Variants in PYGB observed in about 807,000 individuals in gnomAD.
PYGB encodes the protein glycogen phosphorylase B, also known as glycogen phosphorylase, brain form.
Under a neutral mutation model 94.3 loss-of-function variants are expected in PYGB, and 82 were observed. That is an observed-to-expected ratio of 0.87 (90% confidence interval 0.73 to 1.04). PYGB has a LOEUF of 1.04. PYGB is among the 50% of genes least tolerant of loss of function. PYGB has a pLI of 0.00. For missense variants in PYGB, 1,132 were observed against 1,158.2 expected (o/e 0.98, Z 0.33); for synonymous variants, 488 against 479.1 (o/e 1.02, Z -0.24).
chr20:25,269,013 CAG>C (rs1600727485), intron 2 of PYGB, 114 bp from the exon 3 acceptor site: 2 of 865,302 alleles, frequency 2.3e-6, no homozygotes, highest in East Asian at 2.5e-5. Context: ...TCAAGTCTAA[CAG>C]AACCCAGACT....
At chr20:25,251,642 T>C (rs547960882) in intron 1 of PYGB, among the ~76,000 whole-genome samples, 26 of 152,278 alleles carry the variant, frequency 1.7e-4, no homozygotes, top group African/African-American at 6.3e-4. Flanking sequence ...TGCCCAGTTA[T>C]GAGAGTCACG....
At chr20:25,260,601 T>C (rs2092911167) in intron 2 of PYGB, among the ~76,000 whole-genome samples, 1 of 152,212 alleles carries the variant, frequency 6.6e-6, no homozygotes, top group South Asian at 2.1e-4. Flanking sequence ...ACTGAGGTAC[T>C]GGGTTCATCT....
chr20:25,273,681 G>C (rs758435818), intron 4 of PYGB, among the ~76,000 whole-genome samples: 1 of 152,058 alleles, frequency 6.6e-6, no homozygotes, highest in Non-Finnish European at 1.5e-5. Flanking sequence ...GTAGTTACTC[G>C]TCTCTAGTGC....
At chr20:25,249,408 A>G (rs530111713) in intron 1 of PYGB, among the ~76,000 whole-genome samples, 1 of 152,300 alleles carries the variant, frequency 6.6e-6, no homozygotes, top group East Asian at 1.9e-4. Flanking sequence ...ACTCTTGACC[A>G]TGGAGAATTG....
chr20:25,248,270 G>C lies in PYGB; in HGVS notation c.92G>C (p.Ser31Thr), dbSNP rs2092876447. 1 of 1,601,490 alleles carries C rather than the reference G, an allele frequency of 6.2e-7. No homozygotes were observed. Among genetic ancestry groups the C allele is most frequent in the South Asian group, 1.1e-5 (1 of 89,274 alleles). ...GGCGACGTGGCCGAGGTGCGGAAGA[G>C]CTTCAACCGGCACTTGCACTTCACG... is the stretch of plus-strand genomic sequence containing the variant. ...GLGDVAEVRK[S>T]FNRHLHFTLV... The change falls in exon 1 of 20, where the codon AGC (serine) becomes ACC (threonine). Residue 31 changes from serine (S) to threonine (T), a missense_variant. Physicochemically the swap from Ser to Thr is moderately conservative, Grantham distance 58. Coordinates refer to ENST00000216962, the MANE Select transcript of PYGB (RefSeq NM_002862.4).
At chr20:25,251,654 G>A (rs533035807) in intron 1 of PYGB, among the ~76,000 whole-genome samples, 6 of 152,282 alleles carry the variant, frequency 3.9e-5, no homozygotes, top group Middle Eastern at 3.4e-3. Context: ...AGAGTCACGG[G>A]ATCCCTTCTA....
At chr20:25,289,160 TG>T (rs963813266) in intron 15 of PYGB, among the ~76,000 whole-genome samples, 2 of 152,196 alleles carry the variant, frequency 1.3e-5, no homozygotes, top group Middle Eastern at 3.4e-3. Flanking sequence ...CTTCAGCGAG[TG>T]GGAAGCTGGT....
chr20:25,263,892 A>G (rs889059032), intron 2 of PYGB, among the ~76,000 whole-genome samples: 1 of 152,222 alleles, frequency 6.6e-6, no homozygotes. Context: ...AACTATTCCA[A>G]TCAATAGAAA....
At chr20:25,258,616 C>T (rs2092907255) in intron 1 of PYGB, among the ~76,000 whole-genome samples, 1 of 152,250 alleles carries the variant, frequency 6.6e-6, no homozygotes, top group Admixed American at 6.5e-5. Flanking sequence ...CCAGGAGGCA[C>T]TGCATGGGTG....
At chr20:25,282,235 A>C (rs888497139) in intron 12 of PYGB, 88 bp downstream of exon 12, 9 of 1,072,786 alleles carry the variant, frequency 8.4e-6, no homozygotes, top group Admixed American at 6.8e-5. Context: ...GCGGTTGCTG[A>C]GTAGGCAGGA....
Position 25,276,766 on chromosome 20 carries a change from C to T in PYGB, c.772+9C>T, listed in dbSNP as rs762842414. 9 of 1,611,502 alleles carry T rather than the reference C, an allele frequency of 5.6e-6. No individual in the cohort carries two copies. The highest frequency in any genetic ancestry group is 1.7e-5 in the Admixed American group (1 of 59,924). Reference sequence around the variant, plus strand: ...CTTCAAGCTGCAGGACTGTACGTTCCGTGGTTCTTGGCACCCTTGTGTCCA... The same window carrying T: ...CTTCAAGCTGCAGGACTGTACGTTCTGTGGTTCTTGGCACCCTTGTGTCCA... On this transcript the variant is annotated intron_variant, in intron 6 of 19. Coordinates refer to ENST00000216962, the MANE Select transcript of PYGB (RefSeq NM_002862.4).
intron 1 of PYGB, among the ~76,000 whole-genome samples, chr20:25,257,048 C>T (rs1360816505): frequency 6.6e-6 from 1 of 152,164 alleles, no homozygotes; most frequent in African/African-American, 2.4e-5. Flanking sequence ...CTAGCCAGGG[C>T]AGGGAGCTGG....
intron 1 of PYGB, chr20:25,251,222 G>A (rs1555329): frequency 0.6 from 91,140 of 152,126 alleles, 28,700 homozygotes; most frequent in East Asian, 0.98. Flanking sequence ...AGGTGGCAAG[G>A]AGAGTCCAAC....
At chr20:25,277,439 C>T in intron 7 of PYGB, 113 bp downstream of exon 7, 2 of 993,342 alleles carry the variant, frequency 2.0e-6, no homozygotes, top group South Asian at 1.5e-5. Flanking sequence ...TGGCAAGCAG[C>T]CACCTGGTGG....
intron 2 of PYGB, among the ~76,000 whole-genome samples, chr20:25,263,175 A>G (rs1408694835): frequency 6.6e-6 from 1 of 152,240 alleles, no homozygotes; most frequent in African/African-American, 2.4e-5. Flanking sequence ...TCTTCTCAGC[A>G]CCACATCGCA....
intron 19 of PYGB, 138 bp downstream of exon 19, chr20:25,295,808 G>C: frequency 1.0e-6 from 1 of 971,126 alleles, no homozygotes; most frequent in East Asian, 2.6e-5. Flanking sequence ...TCTGTCATCA[G>C]TCGGCTGTGC....
chr20:25,281,987 GC>G, intron 11 of PYGB, 45 bp from the exon 12 acceptor site: 1 of 1,498,780 alleles, frequency 6.7e-7, no homozygotes, highest in East Asian at 2.3e-5. Context: ...CTCACCTGGT[GC>G]AGGGCACAGC....
rs1240050396 is a variant in PYGB at position 25,256,495 on chromosome 20, C to CA, written c.244-2729dup. On this transcript the variant is annotated intron_variant, in intron 1 of 19. Transcript: ENST00000216962. ...TGGGCAACAGAGCGAAACTCTGTCT[C>CA]AAAAAAAAAAAAACAAAAACAAAAA... Among the ~76,000 whole-genome samples, 388 of 119,964 alleles carry CA rather than the reference C, an allele frequency of 3.2e-3. 3 individuals carry two copies. Among genetic ancestry groups the CA allele is most frequent in the Admixed American group, 4.2e-3 (52 of 12,352 alleles). 78.7% of individuals were successfully genotyped at this position (119,964 alleles called of 152,430 possible).
At position 25,296,508 on chromosome 20, in the gene PYGB, A is replaced by G. The variant is rs1568702944; in HGVS notation, c.2518A>G (p.Ile840Val). 4 of 1,613,218 alleles carry G rather than the reference A, an allele frequency of 2.5e-6. No individual in the cohort carries two copies. Among genetic ancestry groups the G allele is most frequent in the Non-Finnish European group, 3.4e-6 (4 of 1,179,800 alleles). ...CGACCTGCAGATCCCGCCCCCCAAC[A>G]TCCCCCGGGACTAGGCACACCCTGC... ...PSDLQIPPPN[I>V]PRD The change falls in exon 20 of 20, where the codon ATC becomes GTC. Residue 840 changes from isoleucine (I) to valine (V), a missense_variant. Coordinates refer to ENST00000216962, the MANE Select transcript of PYGB (RefSeq NM_002862.4).
Sources: gnomAD v4.1 joint callset for allele counts (sites outside exome capture counted in the v4.1 genomes callset) on GRCh38, gnomAD v4.1.1 for gene constraint, MANE v1.5 for transcripts, NCBI Gene and HGNC (gene_info 2026-07-23, HGNC 2026-07-21) for gene names.